The following SLC35F3 variants were observed in gnomAD, a reference collection of about 807,000 sequenced individuals.
SLC35F3 encodes the protein solute carrier family 35 member F3.
A neutral mutation model predicts 49.9 loss-of-function variants in SLC35F3; 25 were observed. That is an observed-to-expected ratio of 0.50 (90% CI 0.37 to 0.70). The LOEUF (loss-of-function observed/expected upper bound fraction) is 0.70. SLC35F3 is among the 30% of genes least tolerant of loss of function. The pLI, the probability that SLC35F3 is intolerant of heterozygous loss-of-function variation, is 0.00. For synonymous variants in SLC35F3, 275 were observed against 265.4 expected, an observed-to-expected ratio of 1.04 and a Z score of -0.35; for missense variants, 525 against 639.8, an observed-to-expected ratio of 0.82 and a Z score of 1.94.
At chr1:233,937,037 G>T (rs969867243) in intron 2 of SLC35F3, among the ~76,000 whole-genome samples, 1 of 152,118 alleles carries the variant, frequency 6.6e-6, no homozygotes, top group African/African-American at 2.4e-5. Flanking sequence ...AACAAGACTT[G>T]CCAGTCAGCA....
At chr1:234,243,510 T>G (rs1355773100) in intron 3 of SLC35F3, among the ~76,000 whole-genome samples, 1 of 152,252 alleles carries the variant, frequency 6.6e-6, no homozygotes, top group Non-Finnish European at 1.5e-5. Context: ...TTTTCTCGCA[T>G]GTAGCAAGTG....
intron 7 of SLC35F3, among the ~76,000 whole-genome samples, chr1:234,321,568 C>A (rs1329026174): frequency 6.6e-6 from 1 of 152,214 alleles, no homozygotes; most frequent in African/African-American, 2.4e-5. Flanking sequence ...ATACCGTGTT[C>A]CTGTCTCCAG....
At chr1:234,066,826 T>A (rs1664626056) in intron 2 of SLC35F3, among the ~76,000 whole-genome samples, 1 of 126,330 alleles carries the variant, frequency 7.9e-6, no homozygotes, top group African/African-American at 3.3e-5. Context: ...TGTCCCTCTC[T>A]CTCCCACACA....
chr1:234,101,192 A>G lies in SLC35F3; in HGVS notation c.284-130225A>G, dbSNP rs1665208582. ...GTTGGGTGCCCTGCAGTATGGACTC[A>G]GCACTCACGGCAGTCAATGGTTATT... On this transcript the variant is annotated intron_variant, in intron 2 of 7. Coordinates refer to ENST00000366618, the MANE Select transcript of SLC35F3 (RefSeq NM_173508.4). Among the ~76,000 whole-genome samples the G allele has an allele frequency of 3.3e-5, 5 of 152,094 alleles. No homozygotes were observed. The South Asian group carries it at 1.0e-3, about 32-fold the overall frequency.
intron 2 of SLC35F3, among the ~76,000 whole-genome samples, chr1:234,145,573 G>A (rs183814369): frequency 6.6e-6 from 1 of 151,954 alleles, no homozygotes; most frequent in East Asian, 1.9e-4. Flanking sequence ...AAAAATATTC[G>A]GGAAAAAAAT....
chr1:233,920,498 A>G (rs1305397304), intron 2 of SLC35F3, among the ~76,000 whole-genome samples: 1 of 152,226 alleles, frequency 6.6e-6, no homozygotes, highest in African/African-American at 2.4e-5. Flanking sequence ...TCATTTCTAC[A>G]TACACATCCA....
chr1:234,217,654 G>A lies in SLC35F3; in HGVS notation c.284-13763G>A, dbSNP rs1340363465. On this transcript the variant is annotated intron_variant, in intron 2 of 7. Transcript: ENST00000366618. ...CCTTTCTAAGAAGAGGCCTTTCTGA[G>A]GAGAAGATATTCCTAAGAAGAGGAG... Among the ~76,000 whole-genome samples, 5 of 152,034 alleles carry A rather than the reference G, an allele frequency of 3.3e-5. No individual in the cohort carries two copies. The East Asian group carries it at 9.7e-4, about 29-fold the overall frequency.
At chr1:234,088,471 G>GCACTT (rs1373877572) in intron 2 of SLC35F3, among the ~76,000 whole-genome samples, 2 of 152,206 alleles carry the variant, frequency 1.3e-5, no homozygotes, top group Non-Finnish European at 2.9e-5. Context: ...GCCTCCCAAA[G>GCACTT]TGCTGGGATT....
chr1:234,230,310 T>C (rs1343228887), intron 2 of SLC35F3, among the ~76,000 whole-genome samples: 1 of 152,242 alleles, frequency 6.6e-6, no homozygotes, highest in African/African-American at 2.4e-5. Context: ...AAGTATGATA[T>C]ACAAAACTCA....
At chr1:234,247,814 C>CAGTTGACTGGTGCATTGTTTG in intron 3 of SLC35F3, among the ~76,000 whole-genome samples, 1 of 129,072 alleles carries the variant, frequency 7.7e-6, no homozygotes, top group East Asian at 2.4e-4. Context: ...TCCATTGTTT[C>CAGTTGACTGGTGCATTGTTTG]ATGGGTCAGT....
chr1:234,060,422 G>A (rs1313416390), intron 2 of SLC35F3, among the ~76,000 whole-genome samples: 2 of 152,128 alleles, frequency 1.3e-5, no homozygotes, highest in Admixed American at 6.6e-5. Flanking sequence ...GTGAGCGATA[G>A]GAATGTTACT....
chr1:233,915,201 G>A (rs980101144), intron 2 of SLC35F3, among the ~76,000 whole-genome samples: 1 of 152,136 alleles, frequency 6.6e-6, no homozygotes, highest in African/African-American at 2.4e-5. Flanking sequence ...GATCTATCAG[G>A]AAACTATTTT....
intron 2 of SLC35F3, among the ~76,000 whole-genome samples, chr1:234,088,432 T>C (rs191763228): frequency 4.1e-4 from 62 of 152,318 alleles, no homozygotes; most frequent in Non-Finnish European, 8.8e-5. Flanking sequence ...GGTCTCGAAC[T>C]CCTGACCTCA....
chr1:234,003,421 A>T (rs953139574), intron 2 of SLC35F3, among the ~76,000 whole-genome samples: 1 of 152,202 alleles, frequency 6.6e-6, no homozygotes, highest in Non-Finnish European at 1.5e-5. Context: ...TCCAACAGGA[A>T]AAAACAGATT....
chr1:233,905,054 G>A lies in SLC35F3; in HGVS notation c.-24G>A, dbSNP rs377324776. On this transcript the variant is annotated 5_prime_UTR_variant, in exon 1 of 8. Coordinates refer to ENST00000366618, the MANE Select transcript of SLC35F3 (RefSeq NM_173508.4). ...CCCCTCCGCCTCAAGTCTGGGAGCT[G>A]CCGGTCCCACTCTGTCTTTGCCTAT... 1.9e-6 allele frequency: 3 copies of A among 1,553,478 alleles called. No individual in the cohort carries two copies.
intron 2 of SLC35F3, among the ~76,000 whole-genome samples, chr1:233,939,249 C>A (rs1434462781): frequency 6.6e-6 from 1 of 152,112 alleles, no homozygotes; most frequent in African/African-American, 2.4e-5. Flanking sequence ...GCCAAGAGTT[C>A]AAGACCAGCC....
At chr1:234,117,204 C>T (rs1165229698) in intron 2 of SLC35F3, among the ~76,000 whole-genome samples, 1 of 152,166 alleles carries the variant, frequency 6.6e-6, no homozygotes, top group African/African-American at 2.4e-5. Context: ...CCCCTGCTGA[C>T]ACTAAGCATG....
At chr1:234,262,710 G>A (rs1339937840) in intron 3 of SLC35F3, among the ~76,000 whole-genome samples, 1 of 152,204 alleles carries the variant, frequency 6.6e-6, no homozygotes, top group South Asian at 2.1e-4. Flanking sequence ...ACAGCTTCAG[G>A]CACTGGTACA....
chr1:234,300,042 A>G (rs1668669453), intron 3 of SLC35F3, among the ~76,000 whole-genome samples: 1 of 151,024 alleles, frequency 6.6e-6, no homozygotes, highest in Admixed American at 6.6e-5. Context: ...GTAAAAAAAT[A>G]TAACTATGAC....
Sources: allele counts gnomAD v4.1 joint callset (sites outside exome capture counted in the v4.1 genomes callset), GRCh38; gene constraint gnomAD v4.1.1; transcripts MANE v1.5; gene names NCBI Gene and HGNC (gene_info 2026-07-23, HGNC 2026-07-21).